Variants in COL19A1 observed in about 807,000 individuals in gnomAD.
COL19A1 encodes the protein collagen alpha-1(XIX) chain.
A neutral mutation model predicts 190.2 loss-of-function variants in COL19A1; 159 were observed. That is an observed-to-expected ratio of 0.84 (90% CI 0.73 to 0.95). The LOEUF (loss-of-function observed/expected upper bound fraction) is 0.95. Among genes scored for constraint, COL19A1 ranks in the 40% least tolerant of loss-of-function variants. The probability of loss-of-function intolerance (pLI) is 0.00; values close to 1 mark genes in which losing one functional copy is unlikely to be tolerated. For missense variants in COL19A1, 1,418 were observed against 1,431.9 expected, an observed-to-expected ratio of 0.99 and a Z score of 0.16; for synonymous variants, 509 against 458.9, an observed-to-expected ratio of 1.11 and a Z score of -1.39.
chr6:70,183,100 C>T lies in COL19A1; in HGVS notation c.2776-1603C>T, dbSNP rs555521867. Among the ~76,000 whole-genome samples the T allele has an allele frequency of 7.2e-5, 11 of 152,100 alleles. No homozygotes were observed. In the South Asian group the frequency reaches 1.9e-3, roughly 26 times the overall value. On this transcript the variant is annotated intron_variant, in intron 44 of 50. Transcript: ENST00000620364. Reference sequence around the variant, plus strand: ...AGACAGGAAAATGTGTGAAAGAGTACTTTTGGAGAGATAGAAAGGGAGTCA... The same window carrying T: ...AGACAGGAAAATGTGTGAAAGAGTATTTTTGGAGAGATAGAAAGGGAGTCA...
intron 15 of COL19A1, among the ~76,000 whole-genome samples, chr6:70,078,976 A>G (rs1467790768): frequency 6.6e-6 from 1 of 152,174 alleles, no homozygotes; most frequent in Non-Finnish European, 1.5e-5. Context: ...CTGAGGCAGG[A>G]GAATCTCTTA....
intron 11 of COL19A1, among the ~76,000 whole-genome samples, chr6:69,972,917 T>C (rs953885931): frequency 6.6e-6 from 1 of 152,216 alleles, no homozygotes; most frequent in African/African-American, 2.4e-5. Flanking sequence ...ATCATAATTT[T>C]ACTTTCCAAT....
chr6:70,196,846 A>G (rs1051466621), intron 48 of COL19A1, among the ~76,000 whole-genome samples: 5 of 152,226 alleles, frequency 3.3e-5, no homozygotes, highest in Admixed American at 1.3e-4. Flanking sequence ...GGCCTTTACA[A>G]TTCATCTGGA....
At chr6:70,199,517 T>A (rs1169574845) in intron 48 of COL19A1, 91 bp from the exon 49 acceptor site, 3 of 1,030,334 alleles carry the variant, frequency 2.9e-6, no homozygotes, top group African/African-American at 1.7e-5. Flanking sequence ...AAACTAAATC[T>A]TTTTGTTTGT....
chr6:70,093,216 A>G (rs1164115030), intron 15 of COL19A1, among the ~76,000 whole-genome samples: 2 of 152,140 alleles, frequency 1.3e-5, no homozygotes, highest in African/African-American at 4.8e-5. Context: ...CTTCTCCAGT[A>G]TGGGAGTGTG....
intron 4 of COL19A1, among the ~76,000 whole-genome samples, chr6:69,921,311 T>TA (rs1771773185): frequency 1.5e-5 from 2 of 132,868 alleles, no homozygotes; most frequent in African/African-American, 5.6e-5. Context: ...ATATATCATA[T>TA]ATCATATAAT....
intron 11 of COL19A1, among the ~76,000 whole-genome samples, chr6:70,022,124 C>T (rs1282614340): frequency 3.9e-5 from 6 of 151,900 alleles, no homozygotes; most frequent in African/African-American, 1.5e-4. Context: ...GCTTGCTTTT[C>T]TTTACTTTTT....
At chr6:70,179,481 C>T (rs1046101675) in intron 42 of COL19A1, among the ~76,000 whole-genome samples, 9 of 152,180 alleles carry the variant, frequency 5.9e-5, no homozygotes, top group African/African-American at 1.7e-4. Flanking sequence ...GCTCCAGGAT[C>T]GGTCATCCAA....
At chr6:69,913,178 GA>G (rs1268836295) in intron 4 of COL19A1, among the ~76,000 whole-genome samples, 1 of 152,114 alleles carries the variant, frequency 6.6e-6, no homozygotes, top group African/African-American at 2.4e-5. Flanking sequence ...CCCACAATAA[GA>G]ATGTAAAGTT....
chr6:70,196,684 G>A (rs771686873), intron 48 of COL19A1, among the ~76,000 whole-genome samples: 3 of 152,230 alleles, frequency 2.0e-5, no homozygotes, highest in Non-Finnish European at 4.4e-5. Flanking sequence ...AGTGACTGCT[G>A]TGGCTTTGCC....
intron 17 of COL19A1, 72 bp from the exon 18 acceptor site, chr6:70,130,110 A>C: frequency 6.6e-7 from 1 of 1,525,604 alleles, no homozygotes; most frequent in Non-Finnish European, 9.0e-7. Flanking sequence ...GACTGCTTAT[A>C]CTGTTACAGA....
rs557021649 is a variant in COL19A1, at chr6:69,996,529, GA to G, written c.1027-27096del. Among the ~76,000 whole-genome samples the G allele has an allele frequency of 4.7e-3, 720 of 152,150 alleles. 4 individuals are homozygous for G. The highest frequency in any genetic ancestry group is 0.016 in the African/African-American group (678 of 41,524). On this transcript the variant is annotated intron_variant, in intron 11 of 50. Coordinates refer to ENST00000620364, the MANE Select transcript of COL19A1 (RefSeq NM_001858.6). ...GGAAAGAATTTCTTATTTGGAAAAA[GA>G]AGTTATATTTTGTAACTTCCTTTGT...
intron 2 of COL19A1, among the ~76,000 whole-genome samples, chr6:69,894,457 C>CT (rs1320920013): frequency 6.6e-6 from 1 of 152,176 alleles, no homozygotes; most frequent in East Asian, 1.9e-4. Flanking sequence ...ATCTCTAAGG[C>CT]TTTTTTAATT....
Position 70,144,967 on chromosome 6 carries a change from G to A in COL19A1, c.1730G>A (p.Gly577Asp), listed in dbSNP as rs1266313478. ...IGPPGLPGPK[G>D]EAGPPGKSLP... ...CCTCCCGGGCTTCCAGGTCCAAAAG[G>A]TGAGGCTGGTCCTCCAGGGAAAAGC... The change falls in exon 25 of 51, where the codon GGT (glycine) becomes GAT (aspartate). Residue 577 changes from glycine (G) to aspartate (D), a missense_variant. Physicochemically the swap from Gly to Asp is moderately conservative, Grantham distance 94. Coordinates refer to ENST00000620364, the MANE Select transcript of COL19A1 (RefSeq NM_001858.6). 2.5e-6 allele frequency: 4 copies of A among 1,594,760 alleles called. No individual in the cohort carries two copies. The highest frequency in any genetic ancestry group is 2.6e-6 in the Non-Finnish European group (3 of 1,169,198).
Position 70,068,461 on chromosome 6 carries a change from A to G in COL19A1, c.1209A>G (p.Gly403=). 6.3e-7 allele frequency: 1 copy of G among 1,599,602 alleles called. No homozygotes were observed. Among genetic ancestry groups the G allele is most frequent in the Non-Finnish European group, 8.6e-7 (1 of 1,168,302 alleles). The change falls in exon 15 of 51, where the codon GGA becomes GGG. Residue 403 remains glycine, a synonymous_variant. Coordinates refer to ENST00000620364, the MANE Select transcript of COL19A1 (RefSeq NM_001858.6). ...TACAAGGCCCCCAAGGTCCACCTGG[A>G]AAAGAGGGTCAGAGGGTAAGTAAAG... ...LGIQGPQGPP[G]KEGQRGRRGK... is the part of the protein sequence containing the mutation.
chr6:70,156,649 C>T (rs1391272889), intron 33 of COL19A1, 21 bp from the exon 34 acceptor site: 19 of 1,609,948 alleles, frequency 1.2e-5, no homozygotes, highest in Non-Finnish European at 8.5e-6. Context: ...CATGTGCTAG[C>T]TGAATGTATT....
At chr6:70,118,313 A>G (rs538898547) in intron 16 of COL19A1, among the ~76,000 whole-genome samples, 2 of 152,190 alleles carry the variant, frequency 1.3e-5, no homozygotes, top group Non-Finnish European at 2.9e-5. Context: ...TGCTTTTGCA[A>G]TTTAAATGCT....
intron 16 of COL19A1, among the ~76,000 whole-genome samples, chr6:70,111,092 T>C (rs903970915): frequency 6.6e-6 from 1 of 152,180 alleles, no homozygotes; most frequent in Non-Finnish European, 1.5e-5. Flanking sequence ...AATCTTATAG[T>C]TTGCATTTGA....
Position 70,125,640 on chromosome 6 carries a change from C to G in COL19A1, c.1341+3698C>G, listed in dbSNP as rs150000041. On this transcript the variant is annotated intron_variant, in intron 17 of 50. Transcript: ENST00000620364. ...AGCAAATGAGGAATAGAGAGACAGC[C>G]TAAGGAGTGAGGTCAGGAAGATGGA... Among the ~76,000 whole-genome samples, 486 of 152,136 alleles carry G rather than the reference C, an allele frequency of 3.2e-3. 5 individuals are homozygous for G. Among genetic ancestry groups the G allele is most frequent in the African/African-American group, 0.011 (461 of 41,490 alleles).
Sources: gnomAD v4.1 joint callset for allele counts (sites outside exome capture counted in the v4.1 genomes callset) on GRCh38, gnomAD v4.1.1 for gene constraint, MANE v1.5 for transcripts, NCBI Gene and HGNC (gene_info 2026-07-23, HGNC 2026-07-21) for gene names.